The following ITSN2 variants were observed in gnomAD, a reference collection of about 807,000 sequenced individuals.
ITSN2 encodes intersectin 2.
ITSN2 carries 156 observed loss-of-function variants against 243.7 expected under a neutral mutation model. That is an observed-to-expected ratio of 0.64 (90% CI 0.56 to 0.73). The LOEUF (loss-of-function observed/expected upper bound fraction) is 0.73, where lower values mean the gene tolerates loss of function less well. ITSN2 is among the 30% of genes least tolerant of loss of function. The probability of loss-of-function intolerance (pLI) is 0.00; values close to 1 mark genes in which losing one functional copy is unlikely to be tolerated. For synonymous variants in ITSN2, 703 were observed against 699.9 expected, an observed-to-expected ratio of 1.00 and a Z score of -0.07; for missense variants, 1,801 against 1,996.1, an observed-to-expected ratio of 0.90 and a Z score of 1.86.
intron 27 of ITSN2, among the ~76,000 whole-genome samples, chr2:24,248,061 A>G (rs1394704763): frequency 6.6e-6 from 1 of 152,194 alleles, no homozygotes; most frequent in Admixed American, 6.5e-5. Context: ...AATCCCTAAA[A>G]TGCTTTTTAG....
At position 24,299,890 on chromosome 2, in the gene ITSN2, T is replaced by C; in HGVS notation, c.1344+19A>G. On this transcript the variant is annotated intron_variant, in intron 12 of 39. Coordinates refer to ENST00000355123, the MANE Select transcript of ITSN2 (RefSeq NM_006277.3). The stretch of plus-strand genomic sequence containing the variant: ...TAAATGTAATGATTTTCTTAAGAAG[T>C]AAAAAACTTAAAAATAACCTCTCGT... 1 of 1,564,156 alleles carries C rather than the reference T, an allele frequency of 6.4e-7. No individual in the cohort carries two copies. The highest frequency in any genetic ancestry group is 1.2e-5 in the South Asian group (1 of 84,424).
chr2:24,321,440 G>T (rs935099905), intron 2 of ITSN2, among the ~76,000 whole-genome samples: 1 of 151,932 alleles, frequency 6.6e-6, no homozygotes, highest in Non-Finnish European at 1.5e-5. Context: ...ACACTAATAT[G>T]GATTTAACAA....
At position 24,220,947 on chromosome 2, in the gene ITSN2, C is replaced by T. The variant is rs767428637; in HGVS notation, c.3697G>A (p.Glu1233Lys). The part of the protein sequence containing the change: ...RYMADLQLVV[E>K]VFQKRMAESG... ...CTAGCCAGCAGCAGCCTCCTCACCT[C>T]GACGACGAGCTGAAGGTCAGCCATG... The change falls in exon 30 of 40, where the codon GAG becomes AAG. Residue 1233 changes from glutamate (E) to lysine (K), a missense_variant and splice_region_variant. By Grantham distance (56) the Glu-to-Lys change is moderately conservative. Transcript: ENST00000355123. 5 of 1,597,038 alleles carry T rather than the reference C, an allele frequency of 3.1e-6. No homozygotes were observed. The highest frequency in any genetic ancestry group is 1.7e-4 in the Middle Eastern group (1 of 6,020).
Position 24,261,124 on chromosome 2 carries a change from T to C in ITSN2, c.2664A>G (p.Val888=), listed in dbSNP as rs770962222. Residue 888 remains valine (V), a synonymous_variant, in exon 22 of 40, where the codon GTA becomes GTG. Transcript: ENST00000355123. ...AFTRTVSPGS[V]SPIHGQGQVV... ...AACATACCTGTCCATGAATAGGTGA[T>C]ACAGATCCAGGGGACACAGTTCGAG... 20 of 1,613,792 alleles carry C rather than the reference T, an allele frequency of 1.2e-5. No individual in the cohort carries two copies. The highest frequency in any genetic ancestry group is 1.6e-5 in the Non-Finnish European group (19 of 1,179,880).
chr2:24,349,768 G>A (rs1687868172), intron 1 of ITSN2, among the ~76,000 whole-genome samples: 1 of 152,050 alleles, frequency 6.6e-6, no homozygotes, highest in African/African-American at 2.4e-5. Context: ...ATTTTCTAGT[G>A]CAAAAATAAC....
At position 24,298,820 on chromosome 2, in the gene ITSN2, A is replaced by C. The variant is rs1681339157; in HGVS notation, c.1345-6T>G. On this transcript the variant is annotated splice_region_variant and splice_polypyrimidine_tract_variant and intron_variant, in intron 12 of 39. Transcript: ENST00000355123. ...TCAAGTTCCTGTTTTGCTGCCTGAA[A>C]AAAAAAAGGAATTATACTTAATTTT... is the stretch of plus-strand genomic sequence containing the variant. The C allele has an allele frequency of 6.3e-7, 1 of 1,576,704 alleles. No homozygotes were observed. The highest frequency in any genetic ancestry group is 1.2e-5 in the South Asian group (1 of 84,482).
chr2:24,260,245 T>C (rs1675637270), intron 22 of ITSN2, among the ~76,000 whole-genome samples: 1 of 152,184 alleles, frequency 6.6e-6, no homozygotes, highest in Non-Finnish European at 1.5e-5. Flanking sequence ...TTTTTTGACT[T>C]ATTTTTTCCT....
chr2:24,219,868 A>G (rs1342085366), intron 30 of ITSN2, among the ~76,000 whole-genome samples: 2 of 152,196 alleles, frequency 1.3e-5, no homozygotes, highest in Non-Finnish European at 2.9e-5. Flanking sequence ...CTGGCCAGAG[A>G]GGTGCAGACA....
rs138489908 is a variant in ITSN2, at chr2:24,301,219, G to C, written c.1016C>G (p.Ser339Cys). The C allele has an allele frequency of 1.3e-4, 206 of 1,606,282 alleles. 1 individual carries two copies. In the East Asian group the frequency reaches 4.4e-3, roughly 34 times the overall value. ...ATATGAAGGCAGAGTTCCATTAATG[G>C]AATCAATTTGCTTTCCTCCTCTAAA... ...PSFRGGKQID[S>C]INGTLPSYQK... is the part of the protein sequence containing the mutation. Residue 339 changes from serine to cysteine, a missense_variant, in exon 11 of 40, where the codon TCC becomes TGC. This residue lies in a region of ITSN2 where 787 missense variants were observed against 803.9 expected (regional missense o/e 0.98). Coordinates refer to ENST00000355123, the MANE Select transcript of ITSN2 (RefSeq NM_006277.3).
upstream of ITSN2, among the ~76,000 whole-genome samples, chr2:24,361,322 C>T (rs904139274): frequency 3.3e-5 from 5 of 152,260 alleles, no homozygotes; most frequent in African/African-American, 7.2e-5. Context: ...AAAGACCAGA[C>T]TTCAACTCAA....
chr2:24,209,075 C>A (rs1669218950), intron 36 of ITSN2, 25 bp downstream of exon 36: 1 of 1,611,944 alleles, frequency 6.2e-7, no homozygotes, highest in African/African-American at 1.3e-5. Context: ...GAGTTCAAGG[C>A]AGGCCACACA....
chr2:24,221,968 C>T (rs537842025), intron 29 of ITSN2, among the ~76,000 whole-genome samples: 3 of 152,246 alleles, frequency 2.0e-5, no homozygotes, highest in Non-Finnish European at 4.4e-5. Flanking sequence ...CAAAAGCAGC[C>T]GGGCATGGTG....
At chr2:24,323,039 G>A (rs1472064884) in intron 2 of ITSN2, among the ~76,000 whole-genome samples, 1 of 150,732 alleles carries the variant, frequency 6.6e-6, no homozygotes, top group Non-Finnish European at 1.5e-5. Flanking sequence ...TAGCATGTCT[G>A]AAAATTAAAA....
At position 24,213,075 on chromosome 2, in the gene ITSN2, A is replaced by C. The variant is rs2151110952; in HGVS notation, c.3991-327T>G. Among the ~76,000 whole-genome samples, 2 of 152,222 alleles carry C rather than the reference A, an allele frequency of 1.3e-5. 1 individual carries two copies. The highest frequency in any genetic ancestry group is 4.2e-4 in the South Asian group (2 of 4,816). The stretch of plus-strand genomic sequence containing the variant: ...TAGGAATATCTCAGCTCATGTGCCA[A>C]GCCCAGCGGATGCTCCTCAGCTCTT... On this transcript the variant is annotated intron_variant, in intron 32 of 39. Coordinates refer to ENST00000355123, the MANE Select transcript of ITSN2 (RefSeq NM_006277.3).
In ITSN2 at chr2:24,243,443, T is replaced by C. The variant is rs1036071604; in HGVS notation, c.3577+2686A>G. Among the ~76,000 whole-genome samples, 19 of 150,836 alleles carry C rather than the reference T, an allele frequency of 1.3e-4. 1 individual carries two copies. ...GCTATAAAATCATTGCGTAGGTCAA[T>C]AATGACCGAAAGACGATTATTCTTT... On this transcript the variant is annotated intron_variant, in intron 29 of 39. Transcript: ENST00000355123.
chr2:24,340,531 A>G (rs1686937495), intron 1 of ITSN2, among the ~76,000 whole-genome samples: 1 of 152,080 alleles, frequency 6.6e-6, no homozygotes. Flanking sequence ...CAAGATGAAG[A>G]AAGTCAAAAT....
Position 24,272,119 on chromosome 2 carries a change from A to C in ITSN2, c.2082-178T>G, listed in dbSNP as rs75792881. On this transcript the variant is annotated intron_variant, in intron 18 of 39. Coordinates refer to ENST00000355123, the MANE Select transcript of ITSN2 (RefSeq NM_006277.3). ...GGAAAACAAATCAATCAATCAATCA[A>C]GAAAAGCTTTGGAAGCTTTGGATTG... 8.1e-3 allele frequency among the ~76,000 whole-genome samples: 1,228 copies of C among 152,306 alleles called. 28 individuals carry two copies. Among genetic ancestry groups the C allele is most frequent in the African/African-American group, 0.028 (1,167 of 41,558 alleles).
At chr2:24,264,036 T>C (rs1460640386) in intron 20 of ITSN2, among the ~76,000 whole-genome samples, 1 of 152,178 alleles carries the variant, frequency 6.6e-6, no homozygotes, top group Non-Finnish European at 1.5e-5. Context: ...TAAATGCATT[T>C]TAGAATATTC....
chr2:24,346,907 T>G (rs1283977628), intron 1 of ITSN2, among the ~76,000 whole-genome samples: 1 of 136,036 alleles, frequency 7.4e-6, no homozygotes, highest in African/African-American at 2.8e-5. Context: ...CTCTGTCACC[T>G]AGGCTGGAGT....
Sources: allele counts gnomAD v4.1 joint callset (sites outside exome capture counted in the v4.1 genomes callset), GRCh38; gene constraint gnomAD v4.1.1; regional missense constraint gnomAD v4.1.1; transcripts MANE v1.5; gene names NCBI Gene and HGNC (gene_info 2026-07-23, HGNC 2026-07-21).